MYH11: variants seen among roughly 807,000 people sequenced by gnomAD.
MYH11 encodes myosin-11.
Under a neutral mutation model 246.6 loss-of-function variants are expected in MYH11, and 80 were observed. The ratio of observed to expected loss-of-function variants is 0.32; its 90% confidence interval spans 0.27 to 0.39. MYH11 has a LOEUF of 0.39. Ranked by LOEUF, MYH11 falls within the 10% of genes least tolerant of loss-of-function variation. MYH11 has a pLI of 1.00. For missense variants in MYH11, 2,158 were observed against 2,546.8 expected (o/e 0.85, Z 3.29); for synonymous variants, 1,071 against 1,015.5 (o/e 1.05, Z -1.04).
At chr16:15,728,831 C>T (rs545016695) in intron 27 of MYH11, among the ~76,000 whole-genome samples, 22 of 151,660 alleles carry the variant, frequency 1.5e-4, no homozygotes, top group African/African-American at 4.6e-4. Context: ...ACCCAGGAGG[C>T]GGGGGTTGCA....
At chr16:15,788,798 ATGTGTG>A (rs58077308) in intron 4 of MYH11, among the ~76,000 whole-genome samples, 96 of 104,898 alleles carry the variant, frequency 9.2e-4, no homozygotes, top group Middle Eastern at 4.5e-3. Flanking sequence ...ACCAGAATAT[ATGTGTG>A]TGTGTGTGTG....
At chr16:15,767,729 C>A (rs996573371) in intron 9 of MYH11, among the ~76,000 whole-genome samples, 1 of 151,872 alleles carries the variant, frequency 6.6e-6, no homozygotes, top group African/African-American at 2.4e-5. Flanking sequence ...CATTTAATGT[C>A]AAGTGTCTTT....
intron 10 of MYH11, among the ~76,000 whole-genome samples, 189 bp downstream of exon 10, chr16:15,763,607 T>C (rs1245160822): frequency 1.3e-5 from 2 of 152,178 alleles, no homozygotes. Flanking sequence ...CCCTGCGCTC[T>C]GATTCAATAA....
intron 40 of MYH11, among the ~76,000 whole-genome samples, chr16:15,709,760 A>G (rs1489323941): frequency 6.6e-6 from 1 of 152,228 alleles, no homozygotes; most frequent in African/African-American, 2.4e-5. Flanking sequence ...ACAGAAGCCA[A>G]GAAGTCCCAG....
At position 15,715,266 on chromosome 16, in the gene MYH11, T is replaced by C. The variant is rs111697558; in HGVS notation, c.5511A>G (p.Lys1837=). ...EEQVEQEARE[K]QAATKSLKQK... ...GCTTCAGCGACTTGGTGGCCGCCTGTTTCTCTCTGCAAACAGCAAGGAAAA... is the reference window on the plus strand; with the variant it reads ...GCTTCAGCGACTTGGTGGCCGCCTGCTTCTCTCTGCAAACAGCAAGGAAAA... The change falls in exon 39 of 41, where the codon AAA becomes AAG. Residue 1837 remains lysine, a synonymous_variant. Transcript: ENST00000300036. 8 of 1,613,946 alleles carry C rather than the reference T, an allele frequency of 5.0e-6. No homozygotes were observed. The Admixed American group carries it at 6.7e-5, about 13-fold the overall frequency.
chr16:15,780,877 T>C (rs772013812), intron 6 of MYH11, among the ~76,000 whole-genome samples: 4 of 152,316 alleles, frequency 2.6e-5, no homozygotes, highest in South Asian at 2.1e-4. Context: ...CTAGAGAAGA[T>C]TGTTCTTTGG....
In MYH11 at chr16:15,747,638, C is replaced by T; in HGVS notation, c.2343G>A (p.Glu781=). ...TGACATCGGTGATCTTCAAATCTCG[C>T]TCCTCCTCTAGGTGGGCCAGGACGC... ...RTGVLAHLEE[E]RDLKITDVIM... The change falls in exon 19 of 41, where the codon GAG becomes GAA. Residue 781 remains glutamate, a synonymous_variant. Transcript: ENST00000300036. The T allele has an allele frequency of 6.2e-7, 1 of 1,614,122 alleles. No homozygotes were observed. The highest frequency in any genetic ancestry group is 1.1e-5 in the South Asian group (1 of 91,060).
At chr16:15,735,861 C>T (rs909794495) in intron 25 of MYH11, among the ~76,000 whole-genome samples, 2 of 152,204 alleles carry the variant, frequency 1.3e-5, no homozygotes, top group African/African-American at 4.8e-5. Context: ...AAGCATTGAC[C>T]CCAGACTGGC....
chr16:15,802,888 C>A (rs187854107), intron 3 of MYH11, among the ~76,000 whole-genome samples: 120 of 152,264 alleles, frequency 7.9e-4, no homozygotes, highest in Admixed American at 2.8e-3. Flanking sequence ...TGGTGGCTCA[C>A]ACCTGTAATC....
intron 3 of MYH11, among the ~76,000 whole-genome samples, chr16:15,809,674 G>A (rs1295652211): frequency 6.6e-6 from 1 of 152,178 alleles, no homozygotes; most frequent in Non-Finnish European, 1.5e-5. Context: ...TATAATCCCA[G>A]CACTTTGGGA....
At position 15,724,280 on chromosome 16, in the gene MYH11, C is replaced by G. The variant is rs1235455476; in HGVS notation, c.4246G>C (p.Asp1416His). Residue 1416 changes from aspartate to histidine, a missense_variant, in exon 31 of 41, where the codon GAT becomes CAT. Asp to His is a moderately conservative substitution (Grantham distance 81). Transcript: ENST00000300036. ...CTGTTCTTGGTCTTTTCCAGTTTATCATAAGCGGCCGCCTTCTCCTCGTAC... is the reference window on the plus strand; with the variant it reads ...CTGTTCTTGGTCTTTTCCAGTTTATGATAAGCGGCCGCCTTCTCCTCGTAC... Reference protein sequence around the residue: ...QQYEEKAAAYDKLEKTKNRLQ... With the variant: ...QQYEEKAAAYHKLEKTKNRLQ... 1.2e-6 allele frequency: 2 copies of G among 1,614,200 alleles called. No individual in the cohort carries two copies. Among genetic ancestry groups the G allele is most frequent in the African/African-American group, 2.7e-5 (2 of 75,040 alleles).
chr16:15,706,564 G>T (rs554951157), intron 40 of MYH11, among the ~76,000 whole-genome samples: 3 of 152,178 alleles, frequency 2.0e-5, no homozygotes, highest in Admixed American at 2.0e-4. Context: ...TAAATTAGCC[G>T]TGCGTGGTGG....
rs1555562769 is a variant in MYH11 at position 15,757,833 on chromosome 16, C to G, written c.1569G>C (p.Glu523Asp). Residue 523 changes from glutamate (E) to aspartate (D), a missense_variant, in exon 13 of 41, where the codon GAG becomes GAC. Physicochemically the swap from Glu to Asp is conservative, Grantham distance 45. Around this residue, in one of 11 missense-constraint regions of MYH11, gnomAD observed 317 missense variants for 507.7 expected, o/e 0.62. Transcript: ENST00000300036. ...LDLQPCIELI[E>D]RPNNPPGVLA... ...ACGCCCACGTGCCCCTCACCGGTCG[C>G]TCGATGAGCTCGATGCAGGGCTGTA... is the stretch of plus-strand genomic sequence containing the variant. 1 of 1,614,074 alleles carries G rather than the reference C, an allele frequency of 6.2e-7. No individual in the cohort carries two copies.
At chr16:15,847,889 C>T (rs2044236879) in intron 1 of MYH11, among the ~76,000 whole-genome samples, 1 of 152,166 alleles carries the variant, frequency 6.6e-6, no homozygotes, top group South Asian at 2.1e-4. Context: ...CCTTGGAACC[C>T]TAATTCCCTG....
At chr16:15,722,389 G>A (rs2040533792) in intron 31 of MYH11, among the ~76,000 whole-genome samples, 1 of 152,142 alleles carries the variant, frequency 6.6e-6, no homozygotes, top group Non-Finnish European at 1.5e-5. Context: ...AACATTCCAT[G>A]CTCACGTTAA....
intron 17 of MYH11, 41 bp downstream of exon 17, chr16:15,748,006 G>C (rs373453498): frequency 6.2e-7 from 1 of 1,614,120 alleles, no homozygotes; most frequent in Non-Finnish European, 8.5e-7. Flanking sequence ...ACCCAGTCCC[G>C]CTCACCCCCT....
chr16:15,755,278 C>T (rs192559702), intron 14 of MYH11, among the ~76,000 whole-genome samples: 1 of 152,242 alleles, frequency 6.6e-6, no homozygotes, highest in African/African-American at 2.4e-5. Flanking sequence ...AGGGCCTATA[C>T]AATAACAGCC....
chr16:15,828,282 G>A lies in MYH11; in HGVS notation c.346-4871C>T, dbSNP rs541421473. On this transcript the variant is annotated intron_variant, in intron 2 of 40. Coordinates refer to ENST00000300036, the MANE Select transcript of MYH11 (RefSeq NM_002474.3). ...TAGCATGGCGGCTGGTATGTAGTAG[G>A]TGCTCAATCAATGTTATTTAGTGAC... Among the ~76,000 whole-genome samples the A allele has an allele frequency of 5.3e-5, 8 of 152,284 alleles. No individual in the cohort carries two copies. The East Asian group carries it at 1.5e-3, about 29-fold the overall frequency.
chr16:15,804,196 T>C (rs1273538741), intron 3 of MYH11, among the ~76,000 whole-genome samples: 36 of 152,124 alleles, frequency 2.4e-4, no homozygotes, highest in Non-Finnish European at 4.4e-5. Flanking sequence ...TTTCCTTCCA[T>C]TGAGGTAAAA....
Sources: gnomAD v4.1 joint callset for allele counts (sites outside exome capture counted in the v4.1 genomes callset) on GRCh38, gnomAD v4.1.1 for gene constraint, gnomAD v4.1.1 regional missense constraint, MANE v1.5 for transcripts, NCBI Gene and HGNC (gene_info 2026-07-23, HGNC 2026-07-21) for gene names.